The following GABRG3 variants were observed in gnomAD, a reference collection of about 807,000 sequenced individuals.
GABRG3 encodes gamma-aminobutyric acid type A receptor subunit gamma3.
GABRG3 carries 25 observed loss-of-function variants against 48.8 expected under a neutral mutation model. The observed-to-expected ratio is 0.51, with a 90% CI of 0.37 to 0.72. The LOEUF (loss-of-function observed/expected upper bound fraction) is 0.72, where lower values mean the gene tolerates loss of function less well. GABRG3 is among the 30% of genes least tolerant of loss of function. The probability of loss-of-function intolerance (pLI) is 0.00; values close to 1 mark genes in which losing one functional copy is unlikely to be tolerated. For missense variants in GABRG3, 394 were observed against 577.9 expected (o/e 0.68, Z 3.26); for synonymous variants, 227 against 217.6 (o/e 1.04, Z -0.38).
chr15:27,423,721 CTTTTTTTTTTTT>C (rs542775399), intron 5 of GABRG3, among the ~76,000 whole-genome samples: 24 of 81,778 alleles, frequency 2.9e-4, no homozygotes, highest in East Asian at 7.2e-4. Flanking sequence ...TTTTCTTTTC[CTTTTTTTTTTTT>C]TTTTTTTTTT....
intron 5 of GABRG3, among the ~76,000 whole-genome samples, chr15:27,465,173 G>T (rs530214647): frequency 6.6e-6 from 1 of 152,142 alleles, no homozygotes; most frequent in Non-Finnish European, 1.5e-5. Flanking sequence ...CCCTTGCCAC[G>T]TCAGCCCACT....
intron 3 of GABRG3, among the ~76,000 whole-genome samples, chr15:27,143,287 G>A (rs1315145249): frequency 1.3e-5 from 2 of 152,090 alleles, no homozygotes; most frequent in Admixed American, 1.3e-4. Flanking sequence ...GCTGTGTTGT[G>A]TAGGCTGGTC....
At chr15:27,138,515 T>G (rs996283266) in intron 3 of GABRG3, among the ~76,000 whole-genome samples, 3 of 152,184 alleles carry the variant, frequency 2.0e-5, no homozygotes, top group Non-Finnish European at 4.4e-5. Flanking sequence ...GTAAAATATG[T>G]CTCCACAGAG....
intron 3 of GABRG3, among the ~76,000 whole-genome samples, chr15:27,086,605 T>C (rs1322570838): frequency 6.6e-6 from 1 of 152,244 alleles, no homozygotes; most frequent in Admixed American, 6.5e-5. Flanking sequence ...AATGAAGTTA[T>C]TGTATTCAAA....
At chr15:27,409,175 T>C (rs77049049) in intron 5 of GABRG3, among the ~76,000 whole-genome samples, 9,467 of 152,256 alleles carry the variant, frequency 0.062, 320 homozygotes, top group Middle Eastern at 0.13. Context: ...ACCTAAAAAT[T>C]CATTGTCTAG....
intron 3 of GABRG3, among the ~76,000 whole-genome samples, chr15:27,229,126 C>T (rs374559700): frequency 7.9e-5 from 12 of 152,084 alleles, no homozygotes; most frequent in East Asian, 5.8e-4. Context: ...GTCTTTGTCA[C>T]GAACTTTTTG....
chr15:27,336,270 A>G (rs762211135), intron 5 of GABRG3, among the ~76,000 whole-genome samples: 2 of 151,704 alleles, frequency 1.3e-5, no homozygotes, highest in Non-Finnish European at 2.9e-5. Context: ...AAAGAAAGAA[A>G]GGAAGGAGAG....
chr15:26,986,996 A>T (rs541465130), intron 2 of GABRG3, among the ~76,000 whole-genome samples: 1 of 152,340 alleles, frequency 6.6e-6, no homozygotes, highest in African/African-American at 2.4e-5. Context: ...CTGCTGTAAG[A>T]ATTACAGGTA....
chr15:27,366,978 G>T (rs900437743), intron 5 of GABRG3, among the ~76,000 whole-genome samples: 1 of 152,152 alleles, frequency 6.6e-6, no homozygotes, highest in African/African-American at 2.4e-5. Flanking sequence ...CCCTCTGTCA[G>T]CTCACTTCCC....
In GABRG3 at chr15:27,218,766, A is replaced by G. The variant is rs535116878; in HGVS notation, c.271-108043A>G. Reference sequence around the variant, plus strand: ...AGTGCTCGGGAGTCAGATGTCATTGATTTTGAACCGCTGCGACTGATGGTA... The same window carrying G: ...AGTGCTCGGGAGTCAGATGTCATTGGTTTTGAACCGCTGCGACTGATGGTA... On this transcript the variant is annotated intron_variant, in intron 3 of 9. Coordinates refer to ENST00000615808, the MANE Select transcript of GABRG3 (RefSeq NM_033223.5). Among the ~76,000 whole-genome samples, 5 of 152,266 alleles carry G rather than the reference A, an allele frequency of 3.3e-5. No individual in the cohort carries two copies. In the East Asian group the frequency reaches 9.7e-4, roughly 29 times the overall value.
At chr15:27,171,579 G>T (rs547728598) in intron 3 of GABRG3, among the ~76,000 whole-genome samples, 1,613 of 150,520 alleles carry the variant, frequency 0.011, 25 homozygotes, top group African/African-American at 0.035. Flanking sequence ...TATATATAGA[G>T]AGAGAGAGAT....
At chr15:27,439,722 C>T (rs77257647) in intron 5 of GABRG3, among the ~76,000 whole-genome samples, 1 of 152,200 alleles carries the variant, frequency 6.6e-6, no homozygotes, top group East Asian at 1.9e-4. Flanking sequence ...ACAGTTCTAG[C>T]CATCATAGCT....
rs965575142 is a variant in GABRG3, at chr15:27,423,262, A to C, written c.575-57388A>C. Among the ~76,000 whole-genome samples the C allele has an allele frequency of 8.6e-5, 13 of 150,676 alleles. No individual in the cohort carries two copies. The East Asian group carries it at 9.7e-4, about 11-fold the overall frequency. On this transcript the variant is annotated intron_variant, in intron 5 of 9. Transcript: ENST00000615808. ...TATGATAAAAAAAAAAAAAAAAAAAAAAACCTCTAGAGAGCCAAATTCCCA... is the reference window on the plus strand; with the variant it reads ...TATGATAAAAAAAAAAAAAAAAAAACAAACCTCTAGAGAGCCAAATTCCCA...
At chr15:27,245,029 C>T (rs561429159) in intron 3 of GABRG3, among the ~76,000 whole-genome samples, 34 of 152,230 alleles carry the variant, frequency 2.2e-4, no homozygotes, top group African/African-American at 6.5e-4. Context: ...AGACATCTCA[C>T]GGGTCGTGTG....
At chr15:27,246,736 G>T (rs1890281769) in intron 3 of GABRG3, among the ~76,000 whole-genome samples, 1 of 152,160 alleles carries the variant, frequency 6.6e-6, no homozygotes, top group African/African-American at 2.4e-5. Context: ...GATAAATATT[G>T]TGGTTATCAT....
intron 5 of GABRG3, among the ~76,000 whole-genome samples, chr15:27,442,761 A>G (rs1022055220): frequency 3.9e-5 from 6 of 152,222 alleles, no homozygotes; most frequent in Non-Finnish European, 7.3e-5. Context: ...AGAAGTTGAA[A>G]TGGTGAGGGT....
chr15:27,341,652 T>C (rs1305529065), intron 5 of GABRG3, among the ~76,000 whole-genome samples: 2 of 152,110 alleles, frequency 1.3e-5, no homozygotes, highest in African/African-American at 4.8e-5. Context: ...GGCAAGGCTT[T>C]GAGCAGAGCA....
In GABRG3 at chr15:27,189,666, G is replaced by A. The variant is rs113940105; in HGVS notation, c.271-137143G>A. Among the ~76,000 whole-genome samples, 785 of 152,228 alleles carry A rather than the reference G, an allele frequency of 5.2e-3. 2 individuals are homozygous for A. The highest frequency in any genetic ancestry group is 0.014 in the Middle Eastern group (4 of 294). ...GGTTTTCTAGATATACAGTCATGTC[G>A]TCTGCAAACAGGGACAATTTGACTT... On this transcript the variant is annotated intron_variant, in intron 3 of 9. Coordinates refer to ENST00000615808, the MANE Select transcript of GABRG3 (RefSeq NM_033223.5).
At chr15:27,322,377 G>T (rs114823646) in intron 3 of GABRG3, among the ~76,000 whole-genome samples, 1,989 of 152,170 alleles carry the variant, frequency 0.013, 36 homozygotes, top group African/African-American at 0.046. Context: ...GGGGATTCCC[G>T]CCTTGCTCTG....
Sources: allele counts gnomAD v4.1 joint callset (sites outside exome capture counted in the v4.1 genomes callset), GRCh38; gene constraint gnomAD v4.1.1; transcripts MANE v1.5; gene names NCBI Gene and HGNC (gene_info 2026-07-23, HGNC 2026-07-21).